Variants in RHOU observed in about 807,000 individuals in gnomAD.
RHOU encodes ras homolog family member U.
Under a neutral mutation model 12.6 loss-of-function variants are expected in RHOU, and 8 were observed. The ratio of observed to expected loss-of-function variants is 0.64; its 90% CI spans 0.37 to 1.15. RHOU has a LOEUF of 1.15. RHOU is among the 50% of genes most tolerant of loss of function. The probability of loss-of-function intolerance (pLI) is 0.01; values close to 1 mark genes in which losing one functional copy is unlikely to be tolerated. For synonymous variants in RHOU, 161 were observed against 147.4 expected (o/e 1.09, Z -0.67); for missense variants, 258 against 347.0 (o/e 0.74, Z 2.04).
chr1:228,736,260 CAAAAAA>C (rs1204392489), intron 1 of RHOU, among the ~76,000 whole-genome samples: 2 of 70,916 alleles, frequency 2.8e-5, no homozygotes, highest in African/African-American at 5.4e-5. Context: ...AGAGCCTTGC[CAAAAAA>C]AAAAAAAAAA....
Position 228,743,472 on chromosome 1 carries a change from A to G in RHOU, c.509A>G (p.Lys170Arg), listed in dbSNP as rs778768426. 137 of 1,614,080 alleles carry G rather than the reference A, an allele frequency of 8.5e-5. No homozygotes were observed. The highest frequency in any genetic ancestry group is 1.7e-5 in the Admixed American group (1 of 60,002). The part of the protein sequence containing the change: ...GTQSDLREDV[K>R]VLIELDKCKE... ...CAGTCGGATCTCAGAGAAGATGTCA[A>G]AGTCCTCATTGAGTTGGACAAATGC... Residue 170 changes from lysine to arginine, a missense_variant, in exon 3 of 3, where the codon AAA (lysine) becomes AGA (arginine). Transcript: ENST00000366691. This position sits in a 1 kb window ranked among gnomAD's most constrained non-coding sequence, Gnocchi z 5.1.
rs1291120524 is a variant in RHOU at position 228,746,528 on chromosome 1, C to T, written c.*2788C>T. On this transcript the variant is annotated 3_prime_UTR_variant, in exon 3 of 3. Transcript: ENST00000366691. ...ACACAAGCCAAAATGGGAGCAAGGC[C>T]TTCTCTCCAGACTATCGTAACCTGG... The T allele has an allele frequency of 6.6e-6, 1 of 152,226 alleles. No individual in the cohort carries two copies. The highest frequency in any genetic ancestry group is 1.9e-4 in the East Asian group (1 of 5,202). The allele number at this position is 152,226 out of a possible 1,614,324, so 9.4% of individuals were successfully genotyped here.
At chr1:228,722,140 G>A in the RHOU span, among the ~76,000 whole-genome samples, 1 of 152,174 alleles carries the variant, frequency 6.6e-6, no homozygotes, top group Non-Finnish European at 1.5e-5. Flanking sequence ...AAGTTCAGAT[G>A]GGGTACATGG....
Position 228,737,567 on chromosome 1 carries a change from G to A in RHOU, c.263-106G>A. The A allele has an allele frequency of 2.7e-6, 3 of 1,108,966 alleles. No homozygotes were observed. Among genetic ancestry groups the A allele is most frequent in the Non-Finnish European group, 4.1e-6 (3 of 731,598 alleles). The allele number at this position is 1,108,966 out of a possible 1,614,324, so 68.7% of individuals were successfully genotyped here. ...TAATTCATTAGAGGACCTAAAATAG[G>A]AGCAAAGGGGTTTGGAGTGAGAATG... On this transcript the variant is annotated intron_variant, in intron 1 of 2. Coordinates refer to ENST00000366691, the MANE Select transcript of RHOU (RefSeq NM_021205.6). This position sits in a 1 kb window ranked among gnomAD's most constrained non-coding sequence, Gnocchi z 4.1.
At chr1:228,647,145 C>T in the RHOU span, among the ~76,000 whole-genome samples, 3 of 152,106 alleles carry the variant, frequency 2.0e-5, no homozygotes, top group Non-Finnish European at 4.4e-5. Flanking sequence ...GGGGTTTGAG[C>T]TGTGCCTGAG....
rs1374786994 is a variant in RHOU, at chr1:228,737,117, T to C, written c.263-556T>C. 1.3e-5 allele frequency among the ~76,000 whole-genome samples: 2 copies of C among 152,186 alleles called. No homozygotes were observed. Among genetic ancestry groups the C allele is most frequent in the African/African-American group, 4.8e-5 (2 of 41,436 alleles). On this transcript the variant is annotated intron_variant, in intron 1 of 2. Coordinates refer to ENST00000366691, the MANE Select transcript of RHOU (RefSeq NM_021205.6). The surrounding 1 kb of genome is among the most constrained non-coding windows in gnomAD (Gnocchi z 4.1). Reference sequence around the variant, plus strand: ...CAGTGGAAAGGGGGCCATGGCTTTCTTTTTTCTTTTTTAATCCTCCTTTTG... The same window carrying C: ...CAGTGGAAAGGGGGCCATGGCTTTCCTTTTTCTTTTTTAATCCTCCTTTTG...
At chr1:228,666,536 T>C in the RHOU span, among the ~76,000 whole-genome samples, 1 of 152,176 alleles carries the variant, frequency 6.6e-6, no homozygotes, top group Non-Finnish European at 1.5e-5. Flanking sequence ...TCCCCTTACC[T>C]ATCTGTTTTT....
intron 2 of RHOU, among the ~76,000 whole-genome samples, chr1:228,741,235 A>C (rs984371407): frequency 2.0e-5 from 3 of 152,216 alleles, no homozygotes; most frequent in African/African-American, 7.2e-5. Flanking sequence ...TTGGCCTCAG[A>C]ACGCCTTTTC....
chr1:228,684,489 C>T, the RHOU span, among the ~76,000 whole-genome samples: 2 of 149,940 alleles, frequency 1.3e-5, no homozygotes, highest in Non-Finnish European at 2.9e-5. Flanking sequence ...CCACCATGCC[C>T]GGCTAATTTT....
chr1:228,701,784 G>A, the RHOU span, among the ~76,000 whole-genome samples: 1 of 151,186 alleles, frequency 6.6e-6, no homozygotes, highest in South Asian at 2.1e-4. Flanking sequence ...TTTCTCAACA[G>A]CTATGTATTT....
At chr1:228,740,734 G>C (rs552664853) in intron 2 of RHOU, among the ~76,000 whole-genome samples, 2 of 152,218 alleles carry the variant, frequency 1.3e-5, no homozygotes, top group African/African-American at 4.8e-5. Flanking sequence ...GAGAATCAAC[G>C]TGAGCACAGA....
chr1:228,708,600 G>A, the RHOU span, among the ~76,000 whole-genome samples: 3 of 151,700 alleles, frequency 2.0e-5, no homozygotes, highest in East Asian at 5.8e-4. Flanking sequence ...TTACAGACAA[G>A]CAAATACTGA....
At chr1:228,659,968 A>AC in the RHOU span, among the ~76,000 whole-genome samples, 5 of 105,300 alleles carry the variant, frequency 4.7e-5, no homozygotes, top group African/African-American at 1.4e-4. Flanking sequence ...AAAAAAAACA[A>AC]AAAAAAAAAA....
At chr1:228,707,093 C>CATATATACATACATATATATAT in the RHOU span, among the ~76,000 whole-genome samples, 1 of 101,756 alleles carries the variant, frequency 9.8e-6, no homozygotes, top group Non-Finnish European at 1.9e-5. Context: ...ACCTTTAGGA[C>CATATATACATACATATATATAT]ATATATACAT....
chr1:228,650,874 G>C, the RHOU span: 1 of 396,270 alleles, frequency 2.5e-6, no homozygotes, highest in Non-Finnish European at 4.9e-6. Flanking sequence ...ACCTGGCTGT[G>C]AGGCCTGCAA....
chr1:228,646,651 C>G, the RHOU span, among the ~76,000 whole-genome samples: 2 of 145,900 alleles, frequency 1.4e-5, no homozygotes, highest in African/African-American at 2.6e-5. Context: ...CGGGCTGGCA[C>G]TAGAGGCGGC....
At chr1:228,707,115 T>TAC in the RHOU span, among the ~76,000 whole-genome samples, 2 of 92,338 alleles carry the variant, frequency 2.2e-5, no homozygotes, top group Non-Finnish European at 3.6e-5. Context: ...CATATATATA[T>TAC]ATATATATAT....
At chr1:228,712,932 G>A in the RHOU span, among the ~76,000 whole-genome samples, 1 of 151,742 alleles carries the variant, frequency 6.6e-6, no homozygotes, top group Non-Finnish European at 1.5e-5. Context: ...GCCAGGGTCT[G>A]CCTGACCTAG....
chr1:228,706,428 T>C, the RHOU span, among the ~76,000 whole-genome samples: 1 of 152,162 alleles, frequency 6.6e-6, no homozygotes, highest in African/African-American at 2.4e-5. Context: ...GTACAGAAAA[T>C]GGGTGAGATG....
Sources: allele counts gnomAD v4.1 joint callset (sites outside exome capture counted in the v4.1 genomes callset), GRCh38; gene constraint gnomAD v4.1.1; non-coding constraint Gnocchi (gnomAD v3.1); transcripts MANE v1.5; gene names NCBI Gene and HGNC (gene_info 2026-07-23, HGNC 2026-07-21).